The following PDE8B variants were observed in gnomAD, a reference collection of about 807,000 sequenced individuals.
The protein encoded by PDE8B is phosphodiesterase 8B, also known as high affinity cAMP-specific and IBMX-insensitive 3',5'-cyclic phosphodiesterase 8B.
In PDE8B, 26 loss-of-function variants were observed where a neutral mutation model predicts 101.3. The observed-to-expected ratio is 0.26, with a 90% CI of 0.19 to 0.36. PDE8B has a LOEUF of 0.36. PDE8B is among the 10% of genes least tolerant of loss of function. PDE8B has a pLI of 1.00. For missense variants in PDE8B, 810 were observed against 1,163.1 expected (o/e 0.70, Z 4.42); for synonymous variants, 424 against 429.3 (o/e 0.99, Z 0.15).
At chr5:77,374,412 T>G (rs1269378507) in intron 10 of PDE8B, among the ~76,000 whole-genome samples, 1 of 150,606 alleles carries the variant, frequency 6.6e-6, no homozygotes, top group Non-Finnish European at 1.5e-5. Flanking sequence ...TTAACATCTG[T>G]TTTTTTTGTT....
chr5:77,267,426 C>T (rs1046639427), intron 1 of PDE8B, among the ~76,000 whole-genome samples: 5 of 146,572 alleles, frequency 3.4e-5, no homozygotes, highest in African/African-American at 7.7e-5. Flanking sequence ...GGTGACAGAG[C>T]GAGACTCCAT....
intron 7 of PDE8B, among the ~76,000 whole-genome samples, chr5:77,349,200 A>C (rs1267725324): frequency 6.6e-6 from 1 of 152,114 alleles, no homozygotes; most frequent in East Asian, 1.9e-4. Context: ...TGAATGAATA[A>C]ATTGCTGCCA....
chr5:77,369,893 A>G (rs1784786132), intron 10 of PDE8B, among the ~76,000 whole-genome samples: 2 of 152,142 alleles, frequency 1.3e-5, no homozygotes, highest in African/African-American at 4.8e-5. Flanking sequence ...ATTCCAGCCA[A>G]TTTTTTCTCA....
At chr5:77,280,965 C>T (rs1764859258) in intron 1 of PDE8B, among the ~76,000 whole-genome samples, 1 of 152,206 alleles carries the variant, frequency 6.6e-6, no homozygotes, top group African/African-American at 2.4e-5. Flanking sequence ...AGACTGCCGG[C>T]CCAGAGCCTA....
Position 77,210,939 on chromosome 5 carries a change from C to T in PDE8B, c.14C>T (p.Pro5Leu). MGCA[P>L]SIHVSQSGVI... ...CCCGGCCGAGGGATGGGCTGCGCCCCCAGCATCCATGTCTCGCAGAGCGGC... is the reference window on the plus strand; with the variant it reads ...CCCGGCCGAGGGATGGGCTGCGCCCTCAGCATCCATGTCTCGCAGAGCGGC... The change falls in exon 1 of 22, where the codon CCC becomes CTC. Residue 5 changes from proline to leucine, a missense_variant. Physicochemically the swap from Pro to Leu is moderately conservative, Grantham distance 98. This residue lies in a region of PDE8B where 159 missense variants were observed against 146.6 expected (regional missense o/e 1.08). Transcript: ENST00000264917. The surrounding 1 kb of genome is among the most constrained non-coding windows in gnomAD (Gnocchi z 4.9). 1 of 1,498,296 alleles carries T rather than the reference C, an allele frequency of 6.7e-7. No homozygotes were observed. The highest frequency in any genetic ancestry group is 8.8e-7 in the Non-Finnish European group (1 of 1,131,204). 92.8% of individuals were successfully genotyped at this position (1,498,296 alleles called of 1,614,324 possible).
At chr5:77,235,474 A>T (rs924530808) in intron 1 of PDE8B, among the ~76,000 whole-genome samples, 2 of 152,198 alleles carry the variant, frequency 1.3e-5, no homozygotes, top group Non-Finnish European at 2.9e-5. Context: ...TTGCAGATCA[A>T]GGATTAGGAG....
chr5:77,209,171 T>A (rs954243220), upstream of PDE8B, among the ~76,000 whole-genome samples: 2 of 151,608 alleles, frequency 1.3e-5, no homozygotes, highest in African/African-American at 4.9e-5. Context: ...GGAGATGGAG[T>A]TTTTTTGTAT....
intron 1 of PDE8B, among the ~76,000 whole-genome samples, chr5:77,285,513 G>GT (rs1336072937): frequency 6.6e-6 from 1 of 152,116 alleles, no homozygotes; most frequent in African/African-American, 2.4e-5. Flanking sequence ...GTATTGTGTA[G>GT]TTTTTCTCGG....
the PDE8B span, among the ~76,000 whole-genome samples, chr5:77,115,948 A>C: frequency 6.6e-6 from 1 of 152,226 alleles, no homozygotes; most frequent in South Asian, 2.1e-4. Flanking sequence ...AAAATAAGAA[A>C]CCTAGCAGAG....
intron 6 of PDE8B, among the ~76,000 whole-genome samples, chr5:77,342,193 T>C (rs528501459): frequency 1.3e-5 from 2 of 152,376 alleles, no homozygotes; most frequent in Admixed American, 1.3e-4. Flanking sequence ...AAAGAAGTAT[T>C]ACTCTGTGAT....
chr5:77,390,212 ATAGTGCTTTT>A (rs1317917875), intron 10 of PDE8B, among the ~76,000 whole-genome samples: 1 of 152,234 alleles, frequency 6.6e-6, no homozygotes, highest in Admixed American at 6.5e-5. Context: ...CTCAGAATTA[ATAGTGCTTTT>A]TAGAACCAAG....
At chr5:77,396,736 AT>A (rs1324310440) in intron 10 of PDE8B, among the ~76,000 whole-genome samples, 3 of 152,148 alleles carry the variant, frequency 2.0e-5, no homozygotes, top group African/African-American at 7.2e-5. Context: ...CAAAAACCTC[AT>A]CTTCATGTTT....
At chr5:77,345,770 C>T (rs1003908275) in intron 7 of PDE8B, among the ~76,000 whole-genome samples, 2 of 152,176 alleles carry the variant, frequency 1.3e-5, no homozygotes, top group Non-Finnish European at 2.9e-5. Flanking sequence ...GCTTGCCTGC[C>T]TGCTGTTGGT....
At position 77,277,349 on chromosome 5, in the gene PDE8B, A is replaced by G. The variant is rs535771439; in HGVS notation, c.340-34645A>G. Among the ~76,000 whole-genome samples the G allele has an allele frequency of 2.1e-3, 320 of 152,318 alleles. 3 individuals carry two copies. The highest frequency in any genetic ancestry group is 7.4e-3 in the African/African-American group (309 of 41,580). On this transcript the variant is annotated intron_variant, in intron 1 of 21. Transcript: ENST00000264917. ...ATTATCTATGACTGGGGTTGTCAGA[A>G]TGCAAAAATTCAAATCATCTTCCAC...
the PDE8B span, among the ~76,000 whole-genome samples, chr5:77,091,378 G>A: frequency 2.2e-3 from 328 of 152,286 alleles, 1 homozygote; most frequent in African/African-American, 7.6e-3. Context: ...AGTGGCTCAC[G>A]CCTGTAATCC....
At chr5:77,418,579 T>G (rs1796024542) in intron 18 of PDE8B, 133 bp downstream of exon 18, 2 of 727,746 alleles carry the variant, frequency 2.7e-6, no homozygotes, top group Non-Finnish European at 4.9e-6. Flanking sequence ...AACCTTGCCC[T>G]TAACTTAATT....
At chr5:77,402,454 C>T (rs1005270948) in intron 11 of PDE8B, among the ~76,000 whole-genome samples, 1 of 152,018 alleles carries the variant, frequency 6.6e-6, no homozygotes, top group Non-Finnish European at 1.5e-5. Context: ...AAAAATAATT[C>T]AGTTTTAATT....
Position 77,211,922 on chromosome 5 carries a change from C to T in PDE8B, c.339+658C>T, listed in dbSNP as rs1279650456. Among the ~76,000 whole-genome samples the T allele has an allele frequency of 6.6e-6, 1 of 152,132 alleles. No homozygotes were observed. Among genetic ancestry groups the T allele is most frequent in the African/African-American group, 2.4e-5 (1 of 41,414 alleles). ...CCGGGCCATGAGTTCGGAGTGTCAG[C>T]AGAGCCACCGTGAGGGGACGTGGTT... On this transcript the variant is annotated intron_variant, in intron 1 of 21. Transcript: ENST00000264917. The surrounding 1 kb of genome is among the most constrained non-coding windows in gnomAD (Gnocchi z 4.1).
At chr5:77,116,300 C>T in the PDE8B span, among the ~76,000 whole-genome samples, 1 of 146,394 alleles carries the variant, frequency 6.8e-6, no homozygotes, top group African/African-American at 2.5e-5. Flanking sequence ...GGCACAATCT[C>T]GGCTCACCGC....
Sources: allele counts gnomAD v4.1 joint callset (sites outside exome capture counted in the v4.1 genomes callset), GRCh38; gene constraint gnomAD v4.1.1; regional missense constraint gnomAD v4.1.1; non-coding constraint Gnocchi (gnomAD v3.1); transcripts MANE v1.5; gene names NCBI Gene and HGNC (gene_info 2026-07-23, HGNC 2026-07-21).